The following UBR3 variants were observed in gnomAD, a reference collection of about 807,000 sequenced individuals.
UBR3 encodes ubiquitin protein ligase E3 component n-recognin 3.
A neutral mutation model predicts 243.2 loss-of-function variants in UBR3; 85 were observed. That is an observed-to-expected ratio of 0.35 (90% CI 0.29 to 0.42). The LOEUF is 0.42. Among genes scored for constraint, UBR3 ranks in the 10% least tolerant of loss-of-function variants. UBR3 has a pLI of 1.00. For missense variants in UBR3, 1,686 were observed against 2,300.8 expected (o/e 0.73, Z 5.47); for synonymous variants, 748 against 799.8 (o/e 0.94, Z 1.09).
At chr2:169,913,868 T>G (rs1031035670) in intron 10 of UBR3, among the ~76,000 whole-genome samples, 192 bp from the exon 11 acceptor site, 6 of 152,188 alleles carry the variant, frequency 3.9e-5, no homozygotes, top group African/African-American at 1.4e-4. Context: ...GGAAGCGTAT[T>G]GACTTACTTA....
chr2:169,853,414 TTC>T (rs2082731273), intron 1 of UBR3, among the ~76,000 whole-genome samples: 1 of 152,112 alleles, frequency 6.6e-6, no homozygotes, highest in Non-Finnish European at 1.5e-5. Flanking sequence ...TTCCTTCTTC[TTC>T]TTTTTTCTCT....
intron 1 of UBR3, among the ~76,000 whole-genome samples, chr2:169,845,487 C>T (rs2082433625): frequency 1.0e-5 from 1 of 99,930 alleles, no homozygotes; most frequent in Non-Finnish European, 2.2e-5. Flanking sequence ...TAATTCCTTT[C>T]CCTCTTCGTC....
At chr2:169,846,783 A>G (rs981614390) in intron 1 of UBR3, among the ~76,000 whole-genome samples, 3 of 151,908 alleles carry the variant, frequency 2.0e-5, no homozygotes, top group Admixed American at 2.0e-4. Flanking sequence ...TTCAGGCTGG[A>G]GCGCAGTGGC....
At chr2:170,015,437 A>G in intron 30 of UBR3, 71 bp downstream of exon 30, 1 of 1,242,328 alleles carries the variant, frequency 8.0e-7, no homozygotes, top group South Asian at 1.3e-5. Context: ...GAAAAGTGAC[A>G]TTTTGGTATA....
intron 10 of UBR3, among the ~76,000 whole-genome samples, chr2:169,906,870 G>A (rs1341378564): frequency 1.3e-5 from 2 of 152,012 alleles, no homozygotes; most frequent in Non-Finnish European, 2.9e-5. Flanking sequence ...AAAGAGAAAT[G>A]GGACAGTAAA....
At position 169,897,395 on chromosome 2, in the gene UBR3, TA is replaced by T. The variant is rs764459415; in HGVS notation, c.1465+661del. Among the ~76,000 whole-genome samples, 27 of 152,296 alleles carry T rather than the reference TA, an allele frequency of 1.8e-4. No homozygotes were observed. In the South Asian group the frequency reaches 4.8e-3, roughly 27 times the overall value. ...GTACCTCTTCCCATTCTCATTTCTC[TA>T]TAGTTACTCATCTTAACTTTACCTC... is the stretch of plus-strand genomic sequence containing the variant. On this transcript the variant is annotated intron_variant, in intron 8 of 38. Transcript: ENST00000272793.
rs775688008 is a variant in UBR3 at position 169,875,947 on chromosome 2, C to G, written c.842C>G (p.Ser281Cys). 2.6e-6 allele frequency: 4 copies of G among 1,509,946 alleles called. No homozygotes were observed. Among genetic ancestry groups the G allele is most frequent in the East Asian group, 5.0e-5 (2 of 39,916 alleles). The allele number at this position is 1,509,946 out of a possible 1,614,324, so 93.5% of individuals were successfully genotyped here. The change falls in exon 3 of 39, where the codon TCT (serine) becomes TGT (cysteine). Residue 281 changes from serine (S) to cysteine (C), a missense_variant and splice_region_variant. Transcript: ENST00000272793. ...CAACAAAACTACAAAGATCTGACTT[C>G]TGGTGAGTAAAATGTTAGAAGAAAT... ...TNQQNYKDLT[S>C]GLGENACVKK... is the part of the protein sequence containing the mutation.
intron 35 of UBR3, 80 bp downstream of exon 35, chr2:170,061,523 A>G: frequency 6.5e-7 from 1 of 1,548,424 alleles, no homozygotes; most frequent in East Asian, 2.3e-5. Context: ...ACTGGAGTGC[A>G]GTGGCACAAT....
chr2:169,995,063 A>C (rs1322198669), intron 26 of UBR3, among the ~76,000 whole-genome samples: 1 of 152,226 alleles, frequency 6.6e-6, no homozygotes, highest in African/African-American at 2.4e-5. Context: ...CTGGAAAATG[A>C]ATGAAATAAT....
chr2:169,969,183 C>G (rs1198252908), intron 24 of UBR3, among the ~76,000 whole-genome samples: 1 of 152,124 alleles, frequency 6.6e-6, no homozygotes, highest in Admixed American at 6.5e-5. Context: ...TGTACAAAAG[C>G]TTTCTAGCTG....
At chr2:169,966,402 A>G (rs2105372461) in intron 24 of UBR3, among the ~76,000 whole-genome samples, 1 of 152,328 alleles carries the variant, frequency 6.6e-6, no homozygotes, top group African/African-American at 2.4e-5. Flanking sequence ...TACAGTACAG[A>G]AAAGCCTCAA....
rs775635098 is a variant in UBR3, at chr2:170,040,905, C to T, written c.4580C>T (p.Pro1527Leu). The T allele has an allele frequency of 5.6e-6, 9 of 1,613,370 alleles. No homozygotes were observed. In the South Asian group the frequency reaches 7.7e-5, roughly 14 times the overall value. ...NPQLGYEEQQPEVPILYHDVT... is the reference protein window; with the variant it reads ...NPQLGYEEQQLEVPILYHDVT... ...AGGCTGGGATATGAAGAACAACAGC[C>T]TGAGGTTCCAATTCTTTATCATGAT... Residue 1527 changes from proline to leucine, a missense_variant, in exon 32 of 39, where the codon CCT becomes CTT. By Grantham distance (98) the Pro-to-Leu change is moderately conservative. Transcript: ENST00000272793.
intron 20 of UBR3, among the ~76,000 whole-genome samples, chr2:169,943,386 A>G (rs530173272): frequency 5.3e-5 from 8 of 152,130 alleles, no homozygotes; most frequent in Admixed American, 1.3e-4. Flanking sequence ...GCAGATCACG[A>G]GGTCAGGAGT....
At chr2:169,859,882 A>C (rs190821101) in intron 1 of UBR3, among the ~76,000 whole-genome samples, 21 of 151,950 alleles carry the variant, frequency 1.4e-4, no homozygotes, top group African/African-American at 5.1e-4. Context: ...ACACCCGGCT[A>C]ATTTTTGTAT....
Position 170,008,884 on chromosome 2 carries a change from T to C in UBR3, c.4311T>C (p.Tyr1437=), listed in dbSNP as rs141369714. The C allele has an allele frequency of 4.9e-5, 79 of 1,597,586 alleles. 1 individual carries two copies. In the African/African-American group the frequency reaches 8.6e-4, roughly 17 times the overall value. Residue 1437 remains tyrosine (Y), a synonymous_variant, in exon 29 of 39, where the codon TAT becomes TAC. Transcript: ENST00000272793. The part of the protein sequence containing the change: ...KNTTQKKYRD[Y]SKTPGSPDND... The stretch of plus-strand genomic sequence containing the variant: ...CCACTCAGAAGAAATATAGAGACTA[T>C]AGCAAGACCCCGGGCTCACCAGACA...
chr2:169,930,375 T>TA lies in UBR3; in HGVS notation c.2566+1507_2566+1508insA, dbSNP rs2086074028. ...TTTGCTAGTTGTGTGGTTTAGGAAA[T>TA]TAGTTGTTTTTTTTTTTGTTATTTT... On this transcript the variant is annotated intron_variant, in intron 18 of 38. Coordinates refer to ENST00000272793, the MANE Select transcript of UBR3 (RefSeq NM_172070.4). Among the ~76,000 whole-genome samples, 3 of 151,832 alleles carry TA rather than the reference T, an allele frequency of 2.0e-5. No homozygotes were observed. The South Asian group carries it at 6.3e-4, about 32-fold the overall frequency.
chr2:169,961,348 C>T (rs957779), intron 24 of UBR3, among the ~76,000 whole-genome samples: 80,092 of 151,506 alleles, frequency 0.53, 22,003 homozygotes, highest in Non-Finnish European at 0.62. Flanking sequence ...TATATATATA[C>T]ATTTTTTTTC....
Position 170,057,118 on chromosome 2 carries a change from C to T in UBR3, c.4785+1534C>T, listed in dbSNP as rs60428877. Among the ~76,000 whole-genome samples the T allele has an allele frequency of 6.5e-3, 881 of 135,850 alleles. 8 individuals carry two copies. Among genetic ancestry groups the T allele is most frequent in the African/African-American group, 0.023 (821 of 35,432 alleles). The allele number at this position is 135,850 out of a possible 152,430, so 89.1% of individuals were successfully genotyped here. ...TTTTTGTAATTATCTTTAGTTTTTT[C>T]TTTTTTTTTTTTTTTTTGAGACAGG... is the stretch of plus-strand genomic sequence containing the variant. On this transcript the variant is annotated intron_variant, in intron 33 of 38. Transcript: ENST00000272793.
chr2:169,888,077 TTTTTTC>T (rs1032850300), intron 5 of UBR3, among the ~76,000 whole-genome samples: 2 of 150,606 alleles, frequency 1.3e-5, no homozygotes, highest in African/African-American at 4.9e-5. Context: ...CGCCCGGCAG[TTTTTTC>T]TTTTTCTTTT....
Sources: gnomAD v4.1 joint callset for allele counts (sites outside exome capture counted in the v4.1 genomes callset) on GRCh38, gnomAD v4.1.1 for gene constraint, MANE v1.5 for transcripts, NCBI Gene and HGNC (gene_info 2026-07-23, HGNC 2026-07-21) for gene names.